The following UACA variants were observed in gnomAD, a reference collection of about 807,000 sequenced individuals.
UACA encodes the protein uveal autoantigen with coiled-coil domains and ankyrin repeats.
In UACA, 112 loss-of-function variants were observed where a neutral mutation model predicts 160.5. The observed-to-expected ratio is 0.70, with a 90% CI of 0.60 to 0.82. The LOEUF is 0.82. Among genes scored for constraint, UACA ranks in the 40% least tolerant of loss-of-function variants. The pLI is 0.00. For synonymous variants in UACA, 557 were observed against 568.4 expected (o/e 0.98, Z 0.29); for missense variants, 1,574 against 1,614.6 (o/e 0.97, Z 0.43).
rs561970145 is a variant in UACA, at chr15:70,763,497, G to T, written c.-90C>A. ...AGACGGCAGCGGCTGCAGCAGAGGC[G>T]GCGCGGGCTGTACCAGCCCCACCTG... is the stretch of plus-strand genomic sequence containing the variant. On this transcript the variant is annotated 5_prime_UTR_variant, in exon 1 of 19. Transcript: ENST00000322954. The T allele has an allele frequency of 1.4e-5, 18 of 1,258,236 alleles. No homozygotes were observed. In the African/African-American group the frequency reaches 2.6e-4, roughly 18 times the overall value. The allele number at this position is 1,258,236 out of a possible 1,614,324, so 77.9% of individuals were successfully genotyped here. A position where few individuals can be genotyped will look rare whatever the true frequency, so the allele number is the denominator to read the frequency against.
chr15:70,767,266 AAAAC>A (rs1338980882), upstream of UACA, among the ~76,000 whole-genome samples: 3 of 141,572 alleles, frequency 2.1e-5, no homozygotes, highest in Non-Finnish European at 3.0e-5. Context: ...ACAAAAAACA[AAAAC>A]AAAAACAACA....
intron 18 of UACA, among the ~76,000 whole-genome samples, chr15:70,658,534 G>GT (rs1473992519): frequency 6.6e-6 from 1 of 152,074 alleles, no homozygotes; most frequent in East Asian, 1.9e-4. Flanking sequence ...GTGAAAAATG[G>GT]TATGTTCTTA....
chr15:70,777,281 G>C, the UACA span, among the ~76,000 whole-genome samples: 1 of 152,182 alleles, frequency 6.6e-6, no homozygotes, highest in Non-Finnish European at 1.5e-5. Flanking sequence ...TATCAGCCAT[G>C]TTTATTATGA....
chr15:70,756,164 C>T (rs761593419), intron 1 of UACA, among the ~76,000 whole-genome samples: 2 of 147,266 alleles, frequency 1.4e-5, no homozygotes, highest in African/African-American at 2.7e-5. Flanking sequence ...CATGAACCAC[C>T]CAGCCGCAAT....
chr15:70,767,442 G>T (rs1178986272), upstream of UACA, among the ~76,000 whole-genome samples: 1 of 151,546 alleles, frequency 6.6e-6, no homozygotes, highest in Non-Finnish European at 1.5e-5. Flanking sequence ...ACAAAAATTA[G>T]CTGGGCGTGG....
At chr15:70,725,956 A>C (rs1371851381) in intron 1 of UACA, among the ~76,000 whole-genome samples, 1 of 152,184 alleles carries the variant, frequency 6.6e-6, no homozygotes. Flanking sequence ...TGAATGTAGC[A>C]AAATTTCACA....
chr15:70,758,461 G>T (rs966116537), intron 1 of UACA: 1 of 152,172 alleles, frequency 6.6e-6, no homozygotes, highest in South Asian at 2.1e-4. Context: ...ATAACAATTT[G>T]TTATCTTATT....
rs1896456329 is a variant in UACA at position 70,655,541 on chromosome 15, ATATTT to A, written c.*1510_*1514del. 2 of 152,174 alleles carry A rather than the reference ATATTT, an allele frequency of 1.3e-5. No homozygotes were observed. Among genetic ancestry groups the A allele is most frequent in the African/African-American group, 4.8e-5 (2 of 41,514 alleles). 9.4% of individuals were successfully genotyped at this position (152,174 alleles called of 1,614,324 possible). On this transcript the variant is annotated 3_prime_UTR_variant, in exon 19 of 19. Transcript: ENST00000322954. ...CCACCCCCGGCAACTTTTTTAATTT[ATATTT>A]TATTTTTTATTGAAATAGGTGGCCC...
intron 1 of UACA, among the ~76,000 whole-genome samples, chr15:70,754,780 T>C (rs1480337984): frequency 6.6e-6 from 1 of 152,194 alleles, no homozygotes; most frequent in Non-Finnish European, 1.5e-5. Flanking sequence ...CAATCCAATT[T>C]ATTCTTGTGT....
rs1465659373 is a variant in UACA, at chr15:70,655,205, C to T, written c.*1851G>A. On this transcript the variant is annotated 3_prime_UTR_variant, in exon 19 of 19. Transcript: ENST00000322954. ...GAAAATAAAACACTTAATATGAATA[C>T]TCAGTTTTAAACTTTGCTCTAAGTT... The T allele has an allele frequency of 6.6e-6, 1 of 152,076 alleles. No homozygotes were observed. Among genetic ancestry groups the T allele is most frequent in the Non-Finnish European group, 1.5e-5 (1 of 68,012 alleles). 9.4% of individuals were successfully genotyped at this position (152,076 alleles called of 1,614,324 possible).
At chr15:70,756,409 C>T (rs2030434215) in intron 1 of UACA, among the ~76,000 whole-genome samples, 1 of 151,602 alleles carries the variant, frequency 6.6e-6, no homozygotes, top group African/African-American at 2.4e-5. Flanking sequence ...GATCTGCCCA[C>T]CTCGGCCTCC....
rs750815316 is a variant in UACA, at chr15:70,664,702, G to A, written c.4073C>T (p.Thr1358Ile). The A allele has an allele frequency of 1.2e-6, 2 of 1,613,576 alleles. No individual in the cohort carries two copies. Among genetic ancestry groups the A allele is most frequent in the Non-Finnish European group, 1.7e-6 (2 of 1,179,780 alleles). ...CAGAGATTTCACTTGGTGCTGCAGA[G>A]TGTCAATCAGCTGGCTCTGCCTCTT... ...PTKRQSQLID[T>I]LQHQVKSLEQ... Residue 1358 changes from threonine (T) to isoleucine (I), a missense_variant, in exon 17 of 19, where the codon ACT becomes ATT. Transcript: ENST00000322954.
chr15:70,698,556 TA>T (rs1898215539), intron 2 of UACA, among the ~76,000 whole-genome samples: 1 of 152,178 alleles, frequency 6.6e-6, no homozygotes, highest in African/African-American at 2.4e-5. Flanking sequence ...AAAAACTACT[TA>T]ATTTATAGTC....
At chr15:70,743,150 C>G (rs1021366853) in intron 1 of UACA, among the ~76,000 whole-genome samples, 2 of 152,172 alleles carry the variant, frequency 1.3e-5, no homozygotes, top group Non-Finnish European at 2.9e-5. Flanking sequence ...TCTCACATGG[C>G]CCCGTCCATC....
intron 1 of UACA, among the ~76,000 whole-genome samples, chr15:70,752,530 C>T (rs1394711882): frequency 6.6e-6 from 1 of 151,476 alleles, no homozygotes; most frequent in Non-Finnish European, 1.5e-5. Context: ...TCTCTCCCCT[C>T]CCCCCCACCA....
intron 1 of UACA, among the ~76,000 whole-genome samples, chr15:70,743,972 C>A (rs1223303991): frequency 6.6e-6 from 1 of 152,038 alleles, no homozygotes; most frequent in Non-Finnish European, 1.5e-5. Flanking sequence ...CGGCAGGGCA[C>A]GGTGGCTCAC....
chr15:70,678,281 C>T (rs2140924644), intron 10 of UACA, 75 bp from the exon 11 acceptor site: 1 of 928,014 alleles, frequency 1.1e-6, no homozygotes, highest in East Asian at 2.4e-5. Flanking sequence ...TTTTTAAAAG[C>T]AGTTCACTAC....
In UACA at chr15:70,692,608, A is replaced by T. The variant is rs115242891; in HGVS notation, c.302-1245T>A. Among the ~76,000 whole-genome samples the T allele has an allele frequency of 6.4e-3, 975 of 152,258 alleles. 12 individuals are homozygous for T. Among genetic ancestry groups the T allele is most frequent in the African/African-American group, 0.022 (931 of 41,546 alleles). On this transcript the variant is annotated intron_variant, in intron 3 of 18. Coordinates refer to ENST00000322954, the MANE Select transcript of UACA (RefSeq NM_018003.4). ...AACATAGTGAAATCCCATCTCTACA[A>T]AACATATAAAAATTAGTCAGGTGTG...
chr15:70,694,288 A>ACAAACTTCTTTGATGTG (rs1430784714), intron 3 of UACA, among the ~76,000 whole-genome samples: 4 of 152,360 alleles, frequency 2.6e-5, no homozygotes, highest in East Asian at 1.9e-4. Context: ...CATTTGATGT[A>ACAAACTTCTTTGATGTG]CAAACTTCTT....
Sources: gnomAD v4.1 joint callset for allele counts (sites outside exome capture counted in the v4.1 genomes callset) on GRCh38, gnomAD v4.1.1 for gene constraint, MANE v1.5 for transcripts, NCBI Gene and HGNC (gene_info 2026-07-23, HGNC 2026-07-21) for gene names.